MYCBP2: variants seen among roughly 807,000 people sequenced by gnomAD.
The protein encoded by MYCBP2 is E3 ubiquitin-protein ligase MYCBP2.
Under a neutral mutation model 525.3 loss-of-function variants are expected in MYCBP2, and 120 were observed. That is an observed-to-expected ratio of 0.23 (90% confidence interval 0.20 to 0.27). The LOEUF (loss-of-function observed/expected upper bound fraction) is 0.27. Among genes scored for constraint, MYCBP2 ranks in the 10% least tolerant of loss-of-function variants. The probability of loss-of-function intolerance (pLI) is 1.00; values close to 1 mark genes in which losing one functional copy is unlikely to be tolerated. For synonymous variants in MYCBP2, 1,894 were observed against 1,955.8 expected (o/e 0.97, Z 0.83); for missense variants, 4,149 against 5,657.1 (o/e 0.73, Z 8.55).
chr13:77,227,644 T>C (rs1381109213), intron 18 of MYCBP2, among the ~76,000 whole-genome samples: 1 of 152,184 alleles, frequency 6.6e-6, no homozygotes, highest in Non-Finnish European at 1.5e-5. Context: ...AAATACATTG[T>C]GTTCATATGA....
At chr13:77,252,398 C>T (rs1467188987) in intron 14 of MYCBP2, among the ~76,000 whole-genome samples, 1 of 152,094 alleles carries the variant, frequency 6.6e-6, no homozygotes, top group Non-Finnish European at 1.5e-5. Context: ...TGTTATGAAG[C>T]TTATAATGTA....
chr13:77,068,554 T>G lies in MYCBP2; in HGVS notation c.12171+11A>C, dbSNP rs775487612. On this transcript the variant is annotated intron_variant, in intron 70 of 82. Coordinates refer to ENST00000544440, the MANE Select transcript of MYCBP2 (RefSeq NM_015057.5). Reference sequence around the variant, plus strand: ...CAAAAGCAATGGAAAGGCTGTAGTGTGATCAGTCACCTGTCTCTGGACTCT... The same window carrying G: ...CAAAAGCAATGGAAAGGCTGTAGTGGGATCAGTCACCTGTCTCTGGACTCT... The G allele has an allele frequency of 3.7e-6, 6 of 1,613,460 alleles. No homozygotes were observed. The highest frequency in any genetic ancestry group is 5.1e-6 in the Non-Finnish European group (6 of 1,179,504).
At position 77,086,114 on chromosome 13, in the gene MYCBP2, T is replaced by G. The variant is rs146110113; in HGVS notation, c.10875+1370A>C. On this transcript the variant is annotated intron_variant, in intron 62 of 82. Coordinates refer to ENST00000544440, the MANE Select transcript of MYCBP2 (RefSeq NM_015057.5). ...ATGTTTTTTAAGATATGCCCTCATA[T>G]TTACACTTTCTTTTCTCTTCATTGA... Among the ~76,000 whole-genome samples, 448 of 152,232 alleles carry G rather than the reference T, an allele frequency of 2.9e-3. 1 individual carries two copies. The highest frequency in any genetic ancestry group is 9.6e-3 in the African/African-American group (398 of 41,550).
intron 24 of MYCBP2, 146 bp from the exon 25 acceptor site, chr13:77,205,744 C>T (rs926473852): frequency 1.9e-5 from 13 of 684,508 alleles, no homozygotes; most frequent in East Asian, 2.9e-5. Context: ...TGGAAGAATG[C>T]TTAAAACCAA....
At chr13:77,173,770 C>G (rs9600831) in intron 37 of MYCBP2, among the ~76,000 whole-genome samples, 4,098 of 152,258 alleles carry the variant, frequency 0.027, 202 homozygotes, top group African/African-American at 0.092. Context: ...ATTTTTTTAA[C>G]CCAAGGGTTG....
intron 16 of MYCBP2, 91 bp from the exon 17 acceptor site, chr13:77,243,251 C>G: frequency 1.0e-6 from 1 of 966,156 alleles, no homozygotes; most frequent in Admixed American, 2.0e-5. Context: ...AAAGTAAAAG[C>G]TAGCAAAAAC....
intron 63 of MYCBP2, among the ~76,000 whole-genome samples, chr13:77,082,707 T>C (rs2043506292): frequency 6.6e-6 from 1 of 152,118 alleles, no homozygotes; most frequent in Admixed American, 6.6e-5. Flanking sequence ...TTGGTTTTTG[T>C]TTTTGAGATT....
At chr13:77,208,350 C>T (rs1214769588) in intron 23 of MYCBP2, among the ~76,000 whole-genome samples, 16 of 152,184 alleles carry the variant, frequency 1.1e-4, no homozygotes, top group Admixed American at 1.0e-3. Context: ...AGCAATTCTA[C>T]ATTTTAAAAG....
At chr13:77,169,893 T>C (rs1276925341) in intron 38 of MYCBP2, among the ~76,000 whole-genome samples, 179 bp from the exon 39 acceptor site, 1 of 152,180 alleles carries the variant, frequency 6.6e-6, no homozygotes, top group Non-Finnish European at 1.5e-5. Flanking sequence ...ATGCCTTATC[T>C]CAACTAATAC....
chr13:77,112,689 T>C (rs2049039127), intron 55 of MYCBP2, among the ~76,000 whole-genome samples: 1 of 152,172 alleles, frequency 6.6e-6, no homozygotes, highest in African/African-American at 2.4e-5. Flanking sequence ...TCCTTCTACC[T>C]TGGCCTTGCC....
chr13:77,172,047 T>C (rs1381102076), intron 37 of MYCBP2, among the ~76,000 whole-genome samples: 1 of 152,102 alleles, frequency 6.6e-6, no homozygotes, highest in Admixed American at 6.5e-5. Flanking sequence ...ATTATAGGCA[T>C]GCACCACCAC....
chr13:77,056,959 G>A lies in MYCBP2; in HGVS notation c.13437+27C>T, dbSNP rs751562660. ...AAAGAAAGAACAAAAGAAAAAGAAA[G>A]TACATGATTTCAGATTCTTTCCATA... On this transcript the variant is annotated intron_variant, in intron 79 of 82. Transcript: ENST00000544440. 149 of 1,489,646 alleles carry A rather than the reference G, an allele frequency of 1.0e-4. No homozygotes were observed. In the Middle Eastern group the frequency reaches 1.2e-3, roughly 12 times the overall value. The allele number at this position is 1,489,646 out of a possible 1,614,324, so 92.3% of individuals were successfully genotyped here.
intron 2 of MYCBP2, among the ~76,000 whole-genome samples, chr13:77,294,127 TATACATATATATATAC>T (rs2077868830): frequency 1.6e-5 from 1 of 60,858 alleles, no homozygotes; most frequent in Non-Finnish European, 3.9e-5. Flanking sequence ...TATATATATA[TATACATATATATATAC>T]ATATATATAA....
At position 77,225,529 on chromosome 13, in the gene MYCBP2, C is replaced by A. The variant is rs770516113; in HGVS notation, c.2763G>T (p.Lys921Asn). 7 of 1,613,554 alleles carry A rather than the reference C, an allele frequency of 4.3e-6. No individual in the cohort carries two copies. The Admixed American group carries it at 1.2e-4, about 27-fold the overall frequency. The change falls in exon 19 of 83, where the codon AAG becomes AAT. Residue 921 changes from lysine to asparagine, a missense_variant. By Grantham distance (94) the Lys-to-Asn change is moderately conservative (BLOSUM62 0). Coordinates refer to ENST00000544440, the MANE Select transcript of MYCBP2 (RefSeq NM_015057.5). ...HKDGSGERGE[K>N]DASKITTYPP... is the part of the protein sequence containing the mutation. ...GGTATGTTGTGATTTTGCTTGCATC[C>A]TTTTCGCCTCTTTCTCCACTTCCAT...
At chr13:77,293,495 T>G (rs1474531365) in intron 2 of MYCBP2, among the ~76,000 whole-genome samples, 1 of 152,122 alleles carries the variant, frequency 6.6e-6, no homozygotes, top group Non-Finnish European at 1.5e-5. Flanking sequence ...ATATGGTAGG[T>G]AAATAATAGC....
intron 70 of MYCBP2, among the ~76,000 whole-genome samples, chr13:77,068,091 T>C (rs1566365532): frequency 6.6e-6 from 1 of 152,062 alleles, no homozygotes; most frequent in African/African-American, 2.4e-5. Context: ...CTGTACCCCA[T>C]CCCAGGCTTC....
chr13:77,062,009 T>C (rs1255599116), intron 74 of MYCBP2, among the ~76,000 whole-genome samples: 3 of 152,336 alleles, frequency 2.0e-5, no homozygotes, highest in African/African-American at 4.8e-5. Context: ...GTTCAATGAT[T>C]AATACAATGA....
At chr13:77,321,654 T>C (rs1404338310) in intron 1 of MYCBP2, among the ~76,000 whole-genome samples, 2 of 152,206 alleles carry the variant, frequency 1.3e-5, no homozygotes, top group Non-Finnish European at 2.9e-5. Context: ...GTTACCTACA[T>C]ACAAACTGTG....
intron 15 of MYCBP2, among the ~76,000 whole-genome samples, chr13:77,249,452 G>GA (rs1236645737): frequency 6.6e-6 from 1 of 152,088 alleles, no homozygotes; most frequent in African/African-American, 2.4e-5. Flanking sequence ...GTCTCTGGAG[G>GA]AAAAAACGAA....
Sources: allele counts gnomAD v4.1 joint callset (sites outside exome capture counted in the v4.1 genomes callset), GRCh38; gene constraint gnomAD v4.1.1; transcripts MANE v1.5; gene names NCBI Gene and HGNC (gene_info 2026-07-23, HGNC 2026-07-21).